The following CCDC144A variants were observed in gnomAD, a reference collection of about 807,000 sequenced individuals.
The protein encoded by CCDC144A is coiled-coil domain containing 144A.
A neutral mutation model predicts 143.8 loss-of-function variants in CCDC144A; 41 were observed. The ratio of observed to expected loss-of-function variants is 0.29; its 90% CI spans 0.22 to 0.37. The LOEUF (loss-of-function observed/expected upper bound fraction) is 0.37. CCDC144A is among the 10% of genes least tolerant of loss of function. The probability of loss-of-function intolerance (pLI) is 1.00; values close to 1 mark genes in which losing one functional copy is unlikely to be tolerated. For synonymous variants in CCDC144A, 242 were observed against 517.9 expected, an observed-to-expected ratio of 0.47 and a Z score of 7.23; for missense variants, 637 against 1,488.8, an observed-to-expected ratio of 0.43 and a Z score of 9.41.
At chr17:16,729,649 G>A (rs972584348) in intron 9 of CCDC144A, among the ~76,000 whole-genome samples, 2 of 151,344 alleles carry the variant, frequency 1.3e-5, no homozygotes, top group South Asian at 2.1e-4. Flanking sequence ...TCTGCCTCCC[G>A]GGTTCAAGCT....
In CCDC144A at chr17:16,776,542, C is replaced by G. The variant is rs1407236732; in HGVS notation, c.*2909C>G. The G allele has an allele frequency of 6.6e-6, 1 of 152,214 alleles. No individual in the cohort carries two copies. Among genetic ancestry groups the G allele is most frequent in the Non-Finnish European group, 1.5e-5 (1 of 68,050 alleles). 9.4% of individuals were successfully genotyped at this position (152,214 alleles called of 1,614,324 possible). On this transcript the variant is annotated 3_prime_UTR_variant, in exon 17 of 17. Coordinates refer to ENST00000399273, the MANE Select transcript of CCDC144A (RefSeq NM_001382000.1). ...TATAGGAATGCTAGTGACTTTTGCA[C>G]ATTGATTTTGTATCCTGAGACTTTG...
chr17:16,755,930 G>A lies in CCDC144A; in HGVS notation c.3373-5495G>A, dbSNP rs568936210. On this transcript the variant is annotated intron_variant, in intron 12 of 16. Coordinates refer to ENST00000399273, the MANE Select transcript of CCDC144A (RefSeq NM_001382000.1). ...CTTGACAGGCAGTCTTTTTCTTCCC[G>A]CATATTAAATATATCATGTCATTCT... Among the ~76,000 whole-genome samples, 27 of 152,104 alleles carry A rather than the reference G, an allele frequency of 1.8e-4. No individual in the cohort carries two copies. The East Asian group carries it at 1.9e-3, about 11-fold the overall frequency.
At chr17:16,737,981 T>G (rs953463265) in intron 12 of CCDC144A, among the ~76,000 whole-genome samples, 1 of 151,128 alleles carries the variant, frequency 6.6e-6, no homozygotes, top group Non-Finnish European at 1.5e-5. Flanking sequence ...TGAAGTAGTA[T>G]TTTTTTAGTG....
chr17:16,698,942 A>G (rs1911567346), intron 2 of CCDC144A, among the ~76,000 whole-genome samples: 1 of 152,246 alleles, frequency 6.6e-6, no homozygotes, highest in Admixed American at 6.5e-5. Context: ...TGGTCACATC[A>G]GGAGAAAAGT....
chr17:16,719,819 G>GC (rs1912983288), intron 6 of CCDC144A, among the ~76,000 whole-genome samples: 1 of 151,870 alleles, frequency 6.6e-6, no homozygotes, highest in African/African-American at 2.4e-5. Context: ...AGGTTTTAGT[G>GC]CCCGTAAAAG....
chr17:16,667,588 A>G, the CCDC144A span, among the ~76,000 whole-genome samples: 1 of 150,190 alleles, frequency 6.7e-6, no homozygotes, highest in African/African-American at 2.4e-5. Context: ...CTGCTCAGCC[A>G]CTTGTTTTCT....
chr17:16,696,437 C>G (rs1277514326), intron 2 of CCDC144A, among the ~76,000 whole-genome samples: 2 of 150,808 alleles, frequency 1.3e-5, no homozygotes, highest in African/African-American at 4.9e-5. Flanking sequence ...CGAGACCATC[C>G]TGGCCAACAT....
intron 8 of CCDC144A, among the ~76,000 whole-genome samples, chr17:16,724,570 T>C (rs1345924531): frequency 2.0e-5 from 3 of 150,702 alleles, no homozygotes; most frequent in Non-Finnish European, 4.4e-5. Context: ...GTTTGGTAAG[T>C]GCTCACTGGG....
chr17:16,698,284 T>A (rs1911533694), intron 2 of CCDC144A, among the ~76,000 whole-genome samples: 1 of 152,316 alleles, frequency 6.6e-6, no homozygotes, highest in Non-Finnish European at 1.5e-5. Context: ...TGCAAAAATT[T>A]ACAAAGGTGA....
At chr17:16,683,066 TG>T in the CCDC144A span, among the ~76,000 whole-genome samples, 1 of 151,134 alleles carries the variant, frequency 6.6e-6, no homozygotes, top group Non-Finnish European at 1.5e-5. Flanking sequence ...TTACCAGGGG[TG>T]GAAGGCAGGG....
At chr17:16,686,091 G>GTTTTTTTTTTTTTTTTTTTTTTTTT (rs67135656), upstream of CCDC144A, among the ~76,000 whole-genome samples, 1 of 114,710 alleles carries the variant, frequency 8.7e-6, no homozygotes, top group African/African-American at 3.3e-5. Flanking sequence ...TGTTTTTTTT[G>GTTTTTTTTTTTTTTTTTTTTTTTTT]TTTTTTTTTT....
At chr17:16,729,869 T>A (rs56307508) in intron 9 of CCDC144A, among the ~76,000 whole-genome samples, 13,559 of 116,512 alleles carry the variant, frequency 0.12, 785 homozygotes, top group Middle Eastern at 0.16. Flanking sequence ...AAAAAAAAAA[T>A]ATATATATAT....
chr17:16,754,958 A>G (rs568863799), intron 12 of CCDC144A, among the ~76,000 whole-genome samples: 48 of 152,174 alleles, frequency 3.2e-4, no homozygotes, highest in African/African-American at 1.1e-3. Context: ...TGCTGAATTG[A>G]TCCTGTTATT....
the CCDC144A span, among the ~76,000 whole-genome samples, chr17:16,678,395 G>A: frequency 6.6e-6 from 1 of 151,990 alleles, no homozygotes; most frequent in African/African-American, 2.4e-5. Flanking sequence ...AATAGCCAAG[G>A]CAGTTAGAGT....
Position 16,773,614 on chromosome 17 carries a change from G to A in CCDC144A, c.4259G>A (p.Arg1420Lys), listed in dbSNP as rs1266665487. ...EVTKEYAQIL[R>K]RKYIL is the part of the protein sequence containing the mutation. ...ACAAAAGAATATGCACAGATTTTAAGAAGAAAATACATACTCTGAAAGATA... is the reference window on the plus strand; with the variant it reads ...ACAAAAGAATATGCACAGATTTTAAAAAGAAAATACATACTCTGAAAGATA... Residue 1420 changes from arginine to lysine, a missense_variant, in exon 17 of 17, where the codon AGA becomes AAA. Physicochemically the swap from Arg to Lys is conservative, Grantham distance 26 (BLOSUM62 2). Transcript: ENST00000399273. 2 of 1,535,480 alleles carry A rather than the reference G, an allele frequency of 1.3e-6. No individual in the cohort carries two copies. Among genetic ancestry groups the A allele is most frequent in the African/African-American group, 1.4e-5 (1 of 71,802 alleles).
intron 2 of CCDC144A, among the ~76,000 whole-genome samples, chr17:16,696,436 C>T (rs1388185753): frequency 6.6e-6 from 1 of 150,758 alleles, no homozygotes; most frequent in Non-Finnish European, 1.5e-5. Flanking sequence ...TCGAGACCAT[C>T]CTGGCCAACA....
the CCDC144A span, among the ~76,000 whole-genome samples, chr17:16,672,469 A>T: frequency 0.024 from 3,638 of 152,002 alleles, 145 homozygotes; most frequent in African/African-American, 0.083. Context: ...CAAAAACAAG[A>T]AAACCTGGGA....
rs1294447751 is a variant in CCDC144A at position 16,734,779 on chromosome 17, T to C, written c.2508T>C (p.Asp836=). ...TTGCCTTGCTGAGACTGGAAATAGATACAATAAAAAATCAGAACAAGCAAA... is the reference window on the plus strand; with the variant it reads ...TTGCCTTGCTGAGACTGGAAATAGACACAATAAAAAATCAGAACAAGCAAA... The part of the protein sequence containing the change: ...EEIALLRLEI[D]TIKNQNKQKE... Residue 836 remains aspartate (D), a synonymous_variant, in exon 12 of 17, where the codon GAT becomes GAC. Transcript: ENST00000399273. 6.4e-7 allele frequency: 1 copy of C among 1,574,148 alleles called. No individual in the cohort carries two copies. Among genetic ancestry groups the C allele is most frequent in the Non-Finnish European group, 8.6e-7 (1 of 1,162,082 alleles).
At chr17:16,741,793 A>G (rs922326952) in intron 12 of CCDC144A, among the ~76,000 whole-genome samples, 3 of 152,200 alleles carry the variant, frequency 2.0e-5, no homozygotes, top group Admixed American at 1.3e-4. Flanking sequence ...TATTTATGGT[A>G]TACACAGTGA....
Sources: allele counts gnomAD v4.1 joint callset (sites outside exome capture counted in the v4.1 genomes callset), GRCh38; gene constraint gnomAD v4.1.1; transcripts MANE v1.5; gene names NCBI Gene and HGNC (gene_info 2026-07-23, HGNC 2026-07-21).